The following PRKCE variants were observed in gnomAD, a reference collection of about 807,000 sequenced individuals.
The protein encoded by PRKCE is protein kinase C epsilon type.
Under a neutral mutation model 85.4 loss-of-function variants are expected in PRKCE, and 16 were observed. The observed-to-expected ratio is 0.19, with a 90% CI of 0.13 to 0.28. PRKCE has a LOEUF of 0.28. PRKCE is among the 10% of genes least tolerant of loss of function. The pLI is 1.00. For synonymous variants in PRKCE, 388 were observed against 371.5 expected, an observed-to-expected ratio of 1.04 and a Z score of -0.51; for missense variants, 573 against 975.2, an observed-to-expected ratio of 0.59 and a Z score of 5.49.
chr2:46,029,203 G>C (rs1469229576), intron 10 of PRKCE, among the ~76,000 whole-genome samples: 2 of 152,168 alleles, frequency 1.3e-5, no homozygotes, highest in South Asian at 4.1e-4. Context: ...CTGAGAGGTG[G>C]ATATCCTGAG....
chr2:45,857,470 C>T (rs1240849830), intron 2 of PRKCE, among the ~76,000 whole-genome samples: 3 of 152,356 alleles, frequency 2.0e-5, no homozygotes, highest in South Asian at 2.1e-4. Context: ...AAAGCTTTGA[C>T]GATGTGCCCT....
At chr2:45,897,718 G>A (rs1417764303) in intron 2 of PRKCE, among the ~76,000 whole-genome samples, 1 of 152,186 alleles carries the variant, frequency 6.6e-6, no homozygotes, top group Non-Finnish European at 1.5e-5. Context: ...AGGAGTCAAG[G>A]TCAGTGTGGG....
chr2:45,810,557 A>G (rs903897182), intron 1 of PRKCE, among the ~76,000 whole-genome samples: 2 of 151,992 alleles, frequency 1.3e-5, no homozygotes, highest in African/African-American at 4.8e-5. Context: ...TTCCACTGCA[A>G]TGTTAACTTC....
rs561465530 is a variant in PRKCE, at chr2:46,061,491, T to G, written c.1438-24717T>G. Reference sequence around the variant, plus strand: ...CTCTGGGTGAGAGAAGAACCATTTCTCTCAAGTCCGTTGTTACTGTGCTGG... The same window carrying G: ...CTCTGGGTGAGAGAAGAACCATTTCGCTCAAGTCCGTTGTTACTGTGCTGG... On this transcript the variant is annotated intron_variant, in intron 10 of 14. Transcript: ENST00000306156. Among the ~76,000 whole-genome samples, 3 of 152,306 alleles carry G rather than the reference T, an allele frequency of 2.0e-5. No individual in the cohort carries two copies. The South Asian group carries it at 6.2e-4, about 32-fold the overall frequency.
rs1701094613 is a variant in PRKCE at position 45,958,108 on chromosome 2, A to G, written c.413-18321A>G. ...AAGTTTCAGATTCACTGTTATTTTAAGCAGAGAGAACCTCAGAATTTAGTT... is the reference window on the plus strand; with the variant it reads ...AAGTTTCAGATTCACTGTTATTTTAGGCAGAGAGAACCTCAGAATTTAGTT... On this transcript the variant is annotated intron_variant, in intron 2 of 14. Transcript: ENST00000306156. Among the ~76,000 whole-genome samples the G allele has an allele frequency of 2.0e-5, 3 of 149,996 alleles. No homozygotes were observed. The South Asian group carries it at 6.3e-4, about 32-fold the overall frequency.
At chr2:46,143,720 T>C (rs1675787312) in intron 11 of PRKCE, among the ~76,000 whole-genome samples, 1 of 152,190 alleles carries the variant, frequency 6.6e-6, no homozygotes, top group African/African-American at 2.4e-5. Context: ...GGGAGAACCC[T>C]GGTCCCAGGG....
intron 10 of PRKCE, among the ~76,000 whole-genome samples, chr2:46,074,561 A>G (rs1455509349): frequency 3.3e-5 from 5 of 152,192 alleles, no homozygotes; most frequent in Non-Finnish European, 7.3e-5. Context: ...TATTTACTGC[A>G]GTATTCAGTA....
chr2:45,730,248 G>T (rs762798319), intron 1 of PRKCE, among the ~76,000 whole-genome samples: 3 of 152,092 alleles, frequency 2.0e-5, no homozygotes, highest in Non-Finnish European at 4.4e-5. Flanking sequence ...AAGTTTTTGG[G>T]CTCAAACAAC....
intron 2 of PRKCE, among the ~76,000 whole-genome samples, chr2:45,960,158 A>G (rs75023159): frequency 0.015 from 2,330 of 152,194 alleles, 64 homozygotes; most frequent in African/African-American, 0.053. Context: ...TCCATTTCAT[A>G]TTTTTTAATG....
intron 10 of PRKCE, among the ~76,000 whole-genome samples, chr2:46,075,126 C>T (rs1668442801): frequency 1.3e-5 from 2 of 152,068 alleles, no homozygotes; most frequent in Non-Finnish European, 2.9e-5. Flanking sequence ...CTGCAAGCTC[C>T]GCCTCCTGGT....
chr2:45,892,869 C>T (rs1382424694), intron 2 of PRKCE, among the ~76,000 whole-genome samples: 2 of 152,124 alleles, frequency 1.3e-5, no homozygotes, highest in Non-Finnish European at 1.5e-5. Flanking sequence ...AAAGAGCGAC[C>T]AGAAATGTGC....
At chr2:46,150,616 G>C (rs1454740712) in intron 12 of PRKCE, among the ~76,000 whole-genome samples, 2 of 152,222 alleles carry the variant, frequency 1.3e-5, no homozygotes, top group Non-Finnish European at 2.9e-5. Context: ...CAGGCAGTGA[G>C]CTGTGCCCTG....
chr2:45,921,721 G>C (rs1391123370), intron 2 of PRKCE, among the ~76,000 whole-genome samples: 3 of 152,168 alleles, frequency 2.0e-5, no homozygotes, highest in Non-Finnish European at 4.4e-5. Context: ...TACAACAAAG[G>C]CAAGGGAGGC....
chr2:45,671,594 C>T (rs190933154), intron 1 of PRKCE, among the ~76,000 whole-genome samples: 22 of 152,308 alleles, frequency 1.4e-4, no homozygotes, highest in Non-Finnish European at 2.6e-4. Flanking sequence ...CTCCCCCCAC[C>T]AGCCTTCTCT....
At chr2:45,780,825 CAT>C (rs905269522) in intron 1 of PRKCE, among the ~76,000 whole-genome samples, 5 of 152,192 alleles carry the variant, frequency 3.3e-5, no homozygotes, top group Non-Finnish European at 7.3e-5. Context: ...CTTCTTATAA[CAT>C]GTTTCTATTT....
rs77159182 is a variant in PRKCE, at chr2:46,165,658, G to A, written c.2067+5906G>A. Among the ~76,000 whole-genome samples, 1,152 of 152,328 alleles carry A rather than the reference G, an allele frequency of 7.6e-3. 4 individuals are homozygous for A. The highest frequency in any genetic ancestry group is 0.031 in the Middle Eastern group (9 of 294). ...TCTCTGGGGACTGGAGGGGCAGAGC[G>A]ATGTGTTTGGTGTGGTTGAAGGGCA... On this transcript the variant is annotated intron_variant, in intron 14 of 14. Transcript: ENST00000306156.
intron 2 of PRKCE, among the ~76,000 whole-genome samples, chr2:45,926,509 G>A (rs1409370572): frequency 1.3e-5 from 2 of 152,172 alleles, no homozygotes; most frequent in Non-Finnish European, 2.9e-5. Flanking sequence ...CCTTAACGTA[G>A]TACTGGCATA....
At chr2:45,986,479 C>T (rs1338367299) in intron 6 of PRKCE, among the ~76,000 whole-genome samples, 1 of 152,046 alleles carries the variant, frequency 6.6e-6, no homozygotes, top group East Asian at 1.9e-4. Flanking sequence ...AGATGGAGGG[C>T]AAGCCTGGCT....
rs971108634 is a variant in PRKCE, at chr2:45,925,226, A to G, written c.413-51203A>G. Among the ~76,000 whole-genome samples, 5 of 152,076 alleles carry G rather than the reference A, an allele frequency of 3.3e-5. No individual in the cohort carries two copies. In the South Asian group the frequency reaches 1.0e-3, roughly 32 times the overall value. On this transcript the variant is annotated intron_variant, in intron 2 of 14. Transcript: ENST00000306156. ...AGAGGGTGTTCCCCTTTCCTTTCCT[A>G]AAGGCCCTGTGGACAAGCATATTAT...
Sources: gnomAD v4.1 joint callset for allele counts (sites outside exome capture counted in the v4.1 genomes callset) on GRCh38, gnomAD v4.1.1 for gene constraint, MANE v1.5 for transcripts, NCBI Gene and HGNC (gene_info 2026-07-23, HGNC 2026-07-21) for gene names.